The following GALNT13 variants were observed in gnomAD, a reference collection of about 807,000 sequenced individuals.
GALNT13 encodes the protein polypeptide N-acetylgalactosaminyltransferase 13.
A neutral mutation model predicts 64.2 loss-of-function variants in GALNT13; 28 were observed. That is an observed-to-expected ratio of 0.44 (90% CI 0.32 to 0.60). The LOEUF (loss-of-function observed/expected upper bound fraction) is 0.60, where lower values mean the gene tolerates loss of function less well. Ranked by LOEUF, GALNT13 falls within the 20% of genes least tolerant of loss-of-function variation. The pLI is 0.05. For synonymous variants in GALNT13, 214 were observed against 224.6 expected (o/e 0.95, Z 0.42); for missense variants, 577 against 669.8 (o/e 0.86, Z 1.53).
At chr2:153,887,779 G>A (rs567484026) in intron 1 of GALNT13, among the ~76,000 whole-genome samples, 1 of 152,034 alleles carries the variant, frequency 6.6e-6, no homozygotes, top group African/African-American at 2.4e-5. Context: ...CTTTGACTAT[G>A]TTGTTTTTCT....
At chr2:153,248,117 G>A in the GALNT13 span, among the ~76,000 whole-genome samples, 5 of 152,068 alleles carry the variant, frequency 3.3e-5, no homozygotes, top group African/African-American at 7.2e-5. Flanking sequence ...ATTCACAGCC[G>A]AATTCTACCG....
At chr2:154,331,161 G>A (rs1044391150) in intron 9 of GALNT13, among the ~76,000 whole-genome samples, 1 of 151,800 alleles carries the variant, frequency 6.6e-6, no homozygotes, top group Non-Finnish European at 1.5e-5. Context: ...TTTAATCAAG[G>A]CAGTGGCTAT....
the GALNT13 span, among the ~76,000 whole-genome samples, chr2:153,662,468 T>C: frequency 6.6e-6 from 1 of 152,224 alleles, no homozygotes; most frequent in African/African-American, 2.4e-5. Context: ...GATTCATTTC[T>C]GTAATTACTG....
chr2:153,262,616 C>G, the GALNT13 span, among the ~76,000 whole-genome samples: 1 of 152,168 alleles, frequency 6.6e-6, no homozygotes, highest in Non-Finnish European at 1.5e-5. Context: ...ACCAAGTTGG[C>G]TTCATCCCTG....
chr2:153,284,598 A>G, the GALNT13 span, among the ~76,000 whole-genome samples: 1 of 152,144 alleles, frequency 6.6e-6, no homozygotes, highest in African/African-American at 2.4e-5. Flanking sequence ...GACTTGGGGA[A>G]ACAGTGTTCT....
At chr2:154,318,893 A>G (rs1339302885) in intron 9 of GALNT13, among the ~76,000 whole-genome samples, 2 of 152,120 alleles carry the variant, frequency 1.3e-5, no homozygotes, top group Admixed American at 1.3e-4. Context: ...ACACACACGC[A>G]CACACATATA....
the GALNT13 span, among the ~76,000 whole-genome samples, chr2:153,415,084 G>A: frequency 6.6e-6 from 1 of 151,980 alleles, no homozygotes; most frequent in East Asian, 1.9e-4. Flanking sequence ...ATGTCAATTT[G>A]GCCTTCCCAT....
the GALNT13 span, among the ~76,000 whole-genome samples, chr2:153,612,796 A>G: frequency 6.6e-6 from 1 of 152,204 alleles, no homozygotes; most frequent in African/African-American, 2.4e-5. Flanking sequence ...GGCAGGTTAT[A>G]GAAACAATAT....
the GALNT13 span, among the ~76,000 whole-genome samples, chr2:153,726,216 A>G: frequency 7.9e-5 from 12 of 152,304 alleles, no homozygotes; most frequent in East Asian, 1.9e-3. Flanking sequence ...TGAACTTTAC[A>G]TATTAGTTAT....
At chr2:153,773,853 C>A in the GALNT13 span, among the ~76,000 whole-genome samples, 7 of 152,210 alleles carry the variant, frequency 4.6e-5, no homozygotes, top group African/African-American at 1.7e-4. Flanking sequence ...TTAACTTTAA[C>A]TTTTATCTTA....
chr2:153,760,206 A>G, the GALNT13 span, among the ~76,000 whole-genome samples: 3 of 151,880 alleles, frequency 2.0e-5, no homozygotes, highest in Middle Eastern at 3.6e-3. Flanking sequence ...TTCATTGACT[A>G]TGTTTATCTT....
chr2:153,947,443 G>GTT (rs199936366), intron 3 of GALNT13, among the ~76,000 whole-genome samples: 1 of 143,358 alleles, frequency 7.0e-6, no homozygotes. Context: ...CTGATGTTGA[G>GTT]TTTTTTTTTT....
chr2:154,232,634 A>G (rs1274313943), intron 4 of GALNT13, among the ~76,000 whole-genome samples: 2 of 152,144 alleles, frequency 1.3e-5, no homozygotes, highest in Non-Finnish European at 2.9e-5. Context: ...TCAGGAAATA[A>G]CTTTTGAAAT....
At chr2:153,403,496 C>G in the GALNT13 span, among the ~76,000 whole-genome samples, 1 of 152,204 alleles carries the variant, frequency 6.6e-6, no homozygotes, top group Non-Finnish European at 1.5e-5. Flanking sequence ...CCTAATCAAG[C>G]CTGGGCAAAG....
the GALNT13 span, among the ~76,000 whole-genome samples, chr2:153,617,188 A>G: frequency 6.6e-6 from 1 of 151,922 alleles, no homozygotes; most frequent in Non-Finnish European, 1.5e-5. Context: ...TTAGTATGAT[A>G]CTACTGTGAG....
intron 9 of GALNT13, among the ~76,000 whole-genome samples, chr2:154,367,095 A>G (rs946113520): frequency 6.6e-6 from 1 of 152,160 alleles, no homozygotes; most frequent in Non-Finnish European, 1.5e-5. Context: ...GAAATTATAT[A>G]ACAGAGTAAA....
At chr2:153,654,009 C>A in the GALNT13 span, among the ~76,000 whole-genome samples, 1 of 152,016 alleles carries the variant, frequency 6.6e-6, no homozygotes, top group Non-Finnish European at 1.5e-5. Flanking sequence ...GAACCACTTG[C>A]CCATTTGGGA....
chr2:153,245,999 G>T, the GALNT13 span, among the ~76,000 whole-genome samples: 1 of 151,844 alleles, frequency 6.6e-6, no homozygotes, highest in Admixed American at 6.6e-5. Context: ...ACTTCGTAAA[G>T]CATACACAAG....
chr2:154,121,341 A>T (rs1302592634), intron 3 of GALNT13, among the ~76,000 whole-genome samples: 1 of 152,234 alleles, frequency 6.6e-6, no homozygotes, highest in Admixed American at 6.5e-5. Context: ...AGTCTTTTGT[A>T]TCAGTATTAA....
Sources: gnomAD v4.1 joint callset for allele counts (sites outside exome capture counted in the v4.1 genomes callset) on GRCh38, gnomAD v4.1.1 for gene constraint, MANE v1.5 for transcripts, NCBI Gene and HGNC (gene_info 2026-07-23, HGNC 2026-07-21) for gene names.